RBAK: variants seen among roughly 807,000 people sequenced by gnomAD.
RBAK encodes RB associated KRAB zinc finger.
A neutral mutation model predicts 65.8 loss-of-function variants in RBAK; 39 were observed. That is an observed-to-expected ratio of 0.59 (90% CI 0.46 to 0.77). RBAK has a LOEUF of 0.77. Among genes scored for constraint, RBAK ranks in the 30% least tolerant of loss-of-function variants. The pLI, the probability that RBAK is intolerant of heterozygous loss-of-function variation, is 0.00. For synonymous variants in RBAK, 343 were observed against 289.7 expected (o/e 1.18, Z -1.87); for missense variants, 884 against 855.1 (o/e 1.03, Z -0.42).
chr7:5,050,669 T>G (rs1788096791), intron 2 of RBAK, among the ~76,000 whole-genome samples: 1 of 152,168 alleles, frequency 6.6e-6, no homozygotes, highest in Non-Finnish European at 1.5e-5. Context: ...CAAACTCCTG[T>G]GCTCAAGTGA....
At position 5,065,505 on chromosome 7, in the gene RBAK, G is replaced by A. The variant is rs1779196650; in HGVS notation, c.2049G>A (p.Glu683=). 6.2e-7 allele frequency: 1 copy of A among 1,606,008 alleles called. No homozygotes were observed. Among genetic ancestry groups the A allele is most frequent in the Admixed American group, 1.7e-5 (1 of 58,490 alleles). The change falls in exon 5 of 5, where the codon GAG becomes GAA. Residue 683 remains glutamate, a synonymous_variant. Coordinates refer to ENST00000396912, the MANE Select transcript of RBAK (RefSeq NM_021163.4). The surrounding 1 kb of genome is among the most constrained non-coding windows in gnomAD (Gnocchi z 5.3). ...GAGAGAAACCCTATGAATGTAACGAGTGTGGGAAAAAATTCCACCACAGAT... is the reference window on the plus strand; with the variant it reads ...GAGAGAAACCCTATGAATGTAACGAATGTGGGAAAAAATTCCACCACAGAT... The part of the protein sequence containing the change: ...HSGEKPYECN[E]CGKKFHHRSA...
Position 5,066,724 on chromosome 7 carries a change from T to A in RBAK, c.*1123T>A, listed in dbSNP as rs1361331234. 6.6e-6 allele frequency: 1 copy of A among 152,204 alleles called. No homozygotes were observed. The allele number at this position is 152,204 out of a possible 1,614,324, so 9.4% of individuals were successfully genotyped here. A position where few individuals can be genotyped will look rare whatever the true frequency, so the allele number is the denominator to read the frequency against. Reference sequence around the variant, plus strand: ...CGCTCCATTTCTTGCTGGAACAGTTTAGGTACCTACCACTTCTTCACATGA... The same window carrying A: ...CGCTCCATTTCTTGCTGGAACAGTTAAGGTACCTACCACTTCTTCACATGA... On this transcript the variant is annotated 3_prime_UTR_variant, in exon 5 of 5. Transcript: ENST00000396912.
intron 2 of RBAK, 177 bp from the exon 3 acceptor site, chr7:5,057,118 A>G: frequency 3.8e-6 from 1 of 265,852 alleles, no homozygotes; most frequent in Non-Finnish European, 6.6e-6. Flanking sequence ...TATATTTTAT[A>G]TATTATGTAT....
In RBAK at chr7:5,063,783, C is replaced by T. The variant is rs531648008; in HGVS notation, c.327C>T (p.Thr109=). ...AAGCTGCTTGTATCAATAGCAAAAC[C>T]CTGACTGAAGAGAAAGAGAATACAT... ...SRQAACINSK[T]LTEEKENTFS... The change falls in exon 5 of 5, where the codon ACC becomes ACT. Residue 109 remains threonine, a synonymous_variant. Transcript: ENST00000396912. 6.2e-7 allele frequency: 1 copy of T among 1,613,842 alleles called. No homozygotes were observed. Among genetic ancestry groups the T allele is most frequent in the Admixed American group, 1.7e-5 (1 of 59,984 alleles).
rs926376939 is a variant in RBAK, at chr7:5,069,295, A to G, written c.*3694A>G. 6.6e-6 allele frequency: 1 copy of G among 152,214 alleles called. No homozygotes were observed. Among genetic ancestry groups the G allele is most frequent in the African/African-American group, 2.4e-5 (1 of 41,450 alleles). 9.4% of individuals were successfully genotyped at this position (152,214 alleles called of 1,614,324 possible). A position where few individuals can be genotyped will look rare whatever the true frequency, so the allele number is the denominator to read the frequency against. ...TGTGCAGGAAATACATATTTATAGT[A>G]ATTTTGATGGCAACTACTAAGATTT... On this transcript the variant is annotated 3_prime_UTR_variant, in exon 5 of 5. Coordinates refer to ENST00000396912, the MANE Select transcript of RBAK (RefSeq NM_021163.4).
chr7:5,045,927 G>C lies in RBAK; in HGVS notation c.-514G>C. The stretch of plus-strand genomic sequence containing the variant: ...TAGTTCCCAGGCTTTGGCCTCCAGT[G>C]GACGAGAATCGCGGAGCCTGCGGGG... On this transcript the variant is annotated 5_prime_UTR_variant, in exon 1 of 5. Transcript: ENST00000396912. 1 of 345,522 alleles carries C rather than the reference G, an allele frequency of 2.9e-6. No homozygotes were observed. Among genetic ancestry groups the C allele is most frequent in the Non-Finnish European group, 5.5e-6 (1 of 181,240 alleles). The allele number at this position is 345,522 out of a possible 1,614,324, so 21.4% of individuals were successfully genotyped here.
rs767042267 is a variant in RBAK at position 5,065,238 on chromosome 7, C to G, written c.1782C>G (p.Pro594=). 1 of 1,613,746 alleles carries G rather than the reference C, an allele frequency of 6.2e-7. No individual in the cohort carries two copies. Among genetic ancestry groups the G allele is most frequent in the Non-Finnish European group, 8.5e-7 (1 of 1,179,922 alleles). The change falls in exon 5 of 5, where the codon CCC becomes CCG. Residue 594 remains proline, a synonymous_variant. Coordinates refer to ENST00000396912, the MANE Select transcript of RBAK (RefSeq NM_021163.4). This position sits in a 1 kb window ranked among gnomAD's most constrained non-coding sequence, Gnocchi z 5.3. ...AAAGAGTACACACAGGCGAGAAACC[C>G]TATGAATGTTACGAATGTGGAAAAT... ...RHQRVHTGEK[P]YECYECGKFF...
chr7:5,058,639 C>G (rs927368968), intron 4 of RBAK, among the ~76,000 whole-genome samples: 1 of 152,148 alleles, frequency 6.6e-6, no homozygotes, highest in Non-Finnish European at 1.5e-5. Flanking sequence ...CTATAGCACT[C>G]CCTCAGCCTT....
At chr7:5,052,360 G>GTT (rs1562533978) in intron 2 of RBAK, among the ~76,000 whole-genome samples, 7 of 152,080 alleles carry the variant, frequency 4.6e-5, no homozygotes, top group Non-Finnish European at 5.9e-5. Flanking sequence ...TGTAATTATT[G>GTT]ATAAAACTAG....
rs773587795 is a variant in RBAK, at chr7:5,064,960, C to T, written c.1504C>T (p.His502Tyr). The stretch of plus-strand genomic sequence containing the variant: ...CTCTCAGTTGTATCTCACCGACCAT[C>T]ATACAGCTCATTTAGAAGAGAAACC... Reference protein sequence around the residue: ...KFSQLYLTDHHTAHLEEKPYE... With the variant: ...KFSQLYLTDHYTAHLEEKPYE... Residue 502 changes from histidine (H) to tyrosine (Y), a missense_variant, in exon 5 of 5, where the codon CAT becomes TAT. By Grantham distance (83) the His-to-Tyr change is moderately conservative. Transcript: ENST00000396912. This position sits in a 1 kb window ranked among gnomAD's most constrained non-coding sequence, Gnocchi z 6.3. 7 of 1,613,934 alleles carry T rather than the reference C, an allele frequency of 4.3e-6. No individual in the cohort carries two copies. Among genetic ancestry groups the T allele is most frequent in the Non-Finnish European group, 5.9e-6 (7 of 1,179,976 alleles).
Position 5,065,770 on chromosome 7 carries a change from A to T in RBAK, c.*169A>T. On this transcript the variant is annotated 3_prime_UTR_variant, in exon 5 of 5. Coordinates refer to ENST00000396912, the MANE Select transcript of RBAK (RefSeq NM_021163.4). The surrounding 1 kb of genome is among the most constrained non-coding windows in gnomAD (Gnocchi z 5.3). ...ACAGAGAAGAATCCCGAAGAATGTA[A>T]CAAGAAGCAAAGCCTTCAGCAAGAT... The T allele has an allele frequency of 2.2e-6, 1 of 459,120 alleles. No individual in the cohort carries two copies. The highest frequency in any genetic ancestry group is 3.8e-5 in the Admixed American group (1 of 26,184). The allele number at this position is 459,120 out of a possible 1,614,324, so 28.4% of individuals were successfully genotyped here.
intron 2 of RBAK, among the ~76,000 whole-genome samples, chr7:5,051,303 A>G (rs1397007129): frequency 6.6e-6 from 1 of 152,112 alleles, no homozygotes; most frequent in African/African-American, 2.4e-5. Context: ...ATTTTCCCAC[A>G]TTAATCATTT....
chr7:5,063,948 G>A lies in RBAK; in HGVS notation c.492G>A (p.Glu164=), dbSNP rs1441769213. The A allele has an allele frequency of 6.2e-7, 1 of 1,613,942 alleles. No individual in the cohort carries two copies. Among genetic ancestry groups the A allele is most frequent in the African/African-American group, 1.3e-5 (1 of 74,940 alleles). The change falls in exon 5 of 5, where the codon GAG becomes GAA. Residue 164 remains glutamate (E), a synonymous_variant. Coordinates refer to ENST00000396912, the MANE Select transcript of RBAK (RefSeq NM_021163.4). The part of the protein sequence containing the change: ...DGSYARTKPD[E]CNECGKTYHG... ...GCTATGCTAGGACAAAACCTGATGA[G>A]TGTAATGAATGTGGGAAAACATATC...
Position 5,064,095 on chromosome 7 carries a change from C to T in RBAK, c.639C>T (p.Ala213=). 6.2e-7 allele frequency: 1 copy of T among 1,613,838 alleles called. No individual in the cohort carries two copies. The highest frequency in any genetic ancestry group is 8.5e-7 in the Non-Finnish European group (1 of 1,179,992). ...TTGAATATAATGAATGCATGGAAGCCTTAGACAATGAGGCTGTTTTTATTG... is the reference window on the plus strand; with the variant it reads ...TTGAATATAATGAATGCATGGAAGCTTTAGACAATGAGGCTGTTTTTATTG... The part of the protein sequence containing the change: ...KPFEYNECME[A]LDNEAVFIAH... Residue 213 remains alanine (A), a synonymous_variant, in exon 5 of 5, where the codon GCC becomes GCT. Transcript: ENST00000396912. This position sits in a 1 kb window ranked among gnomAD's most constrained non-coding sequence, Gnocchi z 6.3.
chr7:5,049,847 C>T (rs996517833), intron 2 of RBAK, among the ~76,000 whole-genome samples: 5 of 152,094 alleles, frequency 3.3e-5, no homozygotes, highest in Non-Finnish European at 7.4e-5. Flanking sequence ...CCTCAGCCTC[C>T]TGCATAGCTA....
chr7:5,058,076 T>C (rs1169942303), intron 4 of RBAK, among the ~76,000 whole-genome samples: 8 of 152,012 alleles, frequency 5.3e-5, no homozygotes, highest in Non-Finnish European at 1.0e-4. Context: ...TGTTTGTTTG[T>C]TTGTTTGTTT....
At chr7:5,049,625 C>T (rs1182303923) in intron 2 of RBAK, among the ~76,000 whole-genome samples, 1 of 152,182 alleles carries the variant, frequency 6.6e-6, no homozygotes, top group Non-Finnish European at 1.5e-5. Flanking sequence ...ATACTTTCTC[C>T]ATGGAGTCTC....
At chr7:5,057,232 G>A (rs1778945731) in intron 2 of RBAK, 63 bp from the exon 3 acceptor site, 2 of 1,609,502 alleles carry the variant, frequency 1.2e-6, no homozygotes, top group African/African-American at 1.4e-5. Context: ...GGTGGGCTTT[G>A]TAAAACGTTA....
At chr7:5,054,942 T>TTTTG (rs1184928048) in intron 2 of RBAK, among the ~76,000 whole-genome samples, 1 of 150,678 alleles carries the variant, frequency 6.6e-6, no homozygotes, top group South Asian at 2.1e-4. Context: ...AACTAATTTT[T>TTTTG]TTTGTTTGTT....
Sources: allele counts gnomAD v4.1 joint callset (sites outside exome capture counted in the v4.1 genomes callset), GRCh38; gene constraint gnomAD v4.1.1; non-coding constraint Gnocchi (gnomAD v3.1); transcripts MANE v1.5; gene names NCBI Gene and HGNC (gene_info 2026-07-23, HGNC 2026-07-21).